RAB35: variants seen among roughly 807,000 people sequenced by gnomAD.
RAB35 encodes the protein RAB35, member RAS oncogene family.
In RAB35, 4 loss-of-function variants were observed where a neutral mutation model predicts 28.9. The ratio of observed to expected loss-of-function variants is 0.14; its 90% CI spans 0.07 to 0.32. The LOEUF (loss-of-function observed/expected upper bound fraction) is 0.32. Ranked by LOEUF, RAB35 falls within the 10% of genes least tolerant of loss-of-function variation. The pLI is 1.00. For missense variants in RAB35, 128 were observed against 274.0 expected (o/e 0.47, Z 3.76); for synonymous variants, 99 against 105.1 (o/e 0.94, Z 0.35).
Position 120,113,817 on chromosome 12 carries a change from CAAA to C in RAB35, c.52+2779_52+2781del, listed in dbSNP as rs60143564. ...TGGGCGACAGAGCGAGACTCCGTCT[CAAA>C]AAAAAAAAAAAGGAAAAAAAGAAAA... is the stretch of plus-strand genomic sequence containing the variant. On this transcript the variant is annotated intron_variant, in intron 1 of 5. Coordinates refer to ENST00000229340, the MANE Select transcript of RAB35 (RefSeq NM_006861.7). Among the ~76,000 whole-genome samples, 20 of 112,842 alleles carry C rather than the reference CAAA, an allele frequency of 1.8e-4. 1 individual carries two copies. The highest frequency in any genetic ancestry group is 7.2e-4 in the East Asian group (3 of 4,160). 74.0% of individuals were successfully genotyped at this position (112,842 alleles called of 152,430 possible).
intron 1 of RAB35, among the ~76,000 whole-genome samples, chr12:120,111,032 C>G (rs536339131): frequency 6.6e-6 from 1 of 152,248 alleles, no homozygotes; most frequent in African/African-American, 2.4e-5. Context: ...AAGCTTGAGT[C>G]TGGGAGTTCC....
At position 120,116,606 on chromosome 12, in the gene RAB35, G is replaced by A; in HGVS notation, c.45C>T (p.Gly15=). The change falls in exon 1 of 6, where the codon GGC becomes GGT. Residue 15 remains glycine, a synonymous_variant. Transcript: ENST00000229340. ...YDHLFKLLII[G]DSGVGKSSLL... ...GGCCGCTGCGGCCCTCACCGCTGTC[G>A]CCGATGATGAGCAGCTTGAAGAGGT... 1 of 1,210,320 alleles carries A rather than the reference G, an allele frequency of 8.3e-7. No individual in the cohort carries two copies. Among genetic ancestry groups the A allele is most frequent in the African/African-American group, 1.6e-5 (1 of 63,366 alleles). The allele number at this position is 1,210,320 out of a possible 1,614,324, so 75.0% of individuals were successfully genotyped here.
At chr12:120,106,714 G>A (rs1388693634) in intron 2 of RAB35, among the ~76,000 whole-genome samples, 1 of 147,526 alleles carries the variant, frequency 6.8e-6, no homozygotes, top group Non-Finnish European at 1.5e-5. Flanking sequence ...TCAGCCTCCT[G>A]AGTAGCCGGG....
chr12:120,116,565 G>C, intron 1 of RAB35, 34 bp downstream of exon 1: 1 of 1,109,618 alleles, frequency 9.0e-7, no homozygotes. Context: ...CGCCCGGCAG[G>C]GCCCGCGCCG....
At chr12:120,099,886 G>T (rs1594237883) in intron 3 of RAB35, among the ~76,000 whole-genome samples, 1 of 152,204 alleles carries the variant, frequency 6.6e-6, no homozygotes, top group East Asian at 1.9e-4. Flanking sequence ...GGAGGAGGGG[G>T]ACCACAGCCT....
intron 1 of RAB35, among the ~76,000 whole-genome samples, chr12:120,115,819 A>C (rs1876307346): frequency 1.3e-5 from 2 of 152,196 alleles, no homozygotes; most frequent in Non-Finnish European, 2.9e-5. Context: ...ATAGTAGTGT[A>C]ACAGCAAACA....
chr12:120,112,326 A>G (rs1027302405), intron 1 of RAB35, among the ~76,000 whole-genome samples: 5 of 151,108 alleles, frequency 3.3e-5, no homozygotes, highest in African/African-American at 9.7e-5. Context: ...AGCCACACAC[A>G]TGTCTTCCCT....
intron 1 of RAB35, among the ~76,000 whole-genome samples, chr12:120,115,212 T>G (rs1321487680): frequency 6.6e-6 from 1 of 151,680 alleles, no homozygotes; most frequent in Non-Finnish European, 1.5e-5. Flanking sequence ...CTTCACCTGA[T>G]CCAAACCACC....
chr12:120,103,753 C>T lies in RAB35; in HGVS notation c.227+73G>A, dbSNP rs1321453876. 3 of 1,576,616 alleles carry T rather than the reference C, an allele frequency of 1.9e-6. No homozygotes were observed. Among genetic ancestry groups the T allele is most frequent in the African/African-American group, 1.3e-5 (1 of 74,240 alleles). ...CCCACCAGTGACATTTCCACCATGA[C>T]CAGGCACCGGTCGCTCAACTGTGTC... On this transcript the variant is annotated intron_variant, in intron 3 of 5. Transcript: ENST00000229340. The surrounding 1 kb of genome is among the most constrained non-coding windows in gnomAD (Gnocchi z 6.1).
chr12:120,097,154 CA>C lies in RAB35; in HGVS notation c.*90del, dbSNP rs1875449663. Reference sequence around the variant, plus strand: ...ATGGAGAGAATTCTTTAAATAACGGCACGAAACTGAGACTGTCCCCCGAGGA... The same window carrying C: ...ATGGAGAGAATTCTTTAAATAACGGCCGAAACTGAGACTGTCCCCCGAGGA... On this transcript the variant is annotated 3_prime_UTR_variant, in exon 6 of 6. Coordinates refer to ENST00000229340, the MANE Select transcript of RAB35 (RefSeq NM_006861.7). The C allele has an allele frequency of 6.2e-7, 1 of 1,611,742 alleles. No individual in the cohort carries two copies. The highest frequency in any genetic ancestry group is 1.3e-5 in the African/African-American group (1 of 74,814).
chr12:120,104,966 G>A (rs1461581666), intron 2 of RAB35, among the ~76,000 whole-genome samples: 1 of 152,182 alleles, frequency 6.6e-6, no homozygotes, highest in East Asian at 1.9e-4. Context: ...TTTCTAGCCG[G>A]TGTAATTGCC....
rs140803822 is a variant in RAB35, at chr12:120,111,439, T to C, written c.53-2972A>G. 1.5e-4 allele frequency among the ~76,000 whole-genome samples: 23 copies of C among 152,104 alleles called. No homozygotes were observed. The East Asian group carries it at 4.1e-3, about 27-fold the overall frequency. On this transcript the variant is annotated intron_variant, in intron 1 of 5. Coordinates refer to ENST00000229340, the MANE Select transcript of RAB35 (RefSeq NM_006861.7). The stretch of plus-strand genomic sequence containing the variant: ...GCTCACACCCGTAATCCCAGCACTT[T>C]GGGAGGCCGAGGTGGGCAGATCACG...
intron 1 of RAB35, among the ~76,000 whole-genome samples, chr12:120,115,278 C>T (rs1479432905): frequency 6.6e-6 from 1 of 152,188 alleles, no homozygotes; most frequent in African/African-American, 2.4e-5. Context: ...CTTCCCTGAC[C>T]TAGCTCTGAC....
In RAB35 at chr12:120,096,166, C is replaced by CTGCA. The variant is rs1411724246; in HGVS notation, c.*1075_*1078dup. Reference sequence around the variant, plus strand: ...CATGCACTCCCCACAGTGCCCGAGGCTGCAGTGTAGACTCCTGACCTCCAG... The same window carrying CTGCA: ...CATGCACTCCCCACAGTGCCCGAGGCTGCATGCAGTGTAGACTCCTGACCTCCAG... On this transcript the variant is annotated 3_prime_UTR_variant, in exon 6 of 6. Coordinates refer to ENST00000229340, the MANE Select transcript of RAB35 (RefSeq NM_006861.7). 8.7e-6 allele frequency: 3 copies of CTGCA among 344,728 alleles called. No individual in the cohort carries two copies. The highest frequency in any genetic ancestry group is 4.3e-5 in the African/African-American group (2 of 46,408). The allele number at this position is 344,728 out of a possible 1,614,324, so 21.4% of individuals were successfully genotyped here. A position where few individuals can be genotyped will look rare whatever the true frequency, so the allele number is the denominator to read the frequency against.
chr12:120,108,509 C>T (rs1258193288), intron 1 of RAB35, 42 bp from the exon 2 acceptor site: 5 of 1,575,912 alleles, frequency 3.2e-6, no homozygotes, highest in Non-Finnish European at 4.4e-6. Context: ...GCAGGTGGGT[C>T]CCCTCCCCGC....
Position 120,116,635 on chromosome 12 carries a change from C to G in RAB35, c.16G>C (p.Asp6His), listed in dbSNP as rs1297092381. ...ATGATGAGCAGCTTGAAGAGGTGGT[C>G]GTAGTCCCGGGCCATGGCGGGCGGG... is the stretch of plus-strand genomic sequence containing the variant. MARDY[D>H]HLFKLLIIGD... The change falls in exon 1 of 6, where the codon GAC becomes CAC. Residue 6 changes from aspartate (D) to histidine (H), a missense_variant. By Grantham distance (81) the Asp-to-His change is moderately conservative. Transcript: ENST00000229340. The G allele has an allele frequency of 3.3e-6, 4 of 1,223,770 alleles. No individual in the cohort carries two copies. Among genetic ancestry groups the G allele is most frequent in the Non-Finnish European group, 4.1e-6 (4 of 982,718 alleles). 75.8% of individuals were successfully genotyped at this position (1,223,770 alleles called of 1,614,324 possible). A position where few individuals can be genotyped will look rare whatever the true frequency, so the allele number is the denominator to read the frequency against.
At chr12:120,110,877 C>T (rs759192658) in intron 1 of RAB35, among the ~76,000 whole-genome samples, 1 of 152,234 alleles carries the variant, frequency 6.6e-6, no homozygotes, top group African/African-American at 2.4e-5. Context: ...CCTTGCTCCG[C>T]CGTGAGGCTT....
At chr12:120,111,712 C>T (rs977900688) in intron 1 of RAB35, among the ~76,000 whole-genome samples, 1 of 151,810 alleles carries the variant, frequency 6.6e-6, no homozygotes, top group African/African-American at 2.4e-5. Flanking sequence ...TGCAGAAAGA[C>T]CACAACCATC....
At chr12:120,113,314 C>G (rs1048616875) in intron 1 of RAB35, among the ~76,000 whole-genome samples, 35 of 152,022 alleles carry the variant, frequency 2.3e-4, no homozygotes, top group African/African-American at 8.0e-4. Flanking sequence ...ACTACTGCCC[C>G]CAGCCATGTT....
Sources: gnomAD v4.1 joint callset for allele counts (sites outside exome capture counted in the v4.1 genomes callset) on GRCh38, gnomAD v4.1.1 for gene constraint, Gnocchi (gnomAD v3.1) non-coding constraint, MANE v1.5 for transcripts, NCBI Gene and HGNC (gene_info 2026-07-23, HGNC 2026-07-21) for gene names.